UBE2L3: variants seen among roughly 807,000 people sequenced by gnomAD.
UBE2L3 encodes the protein ubiquitin-conjugating enzyme E2 L3.
UBE2L3 carries 1 observed loss-of-function variant against 17.8 expected under a neutral mutation model. The ratio of observed to expected loss-of-function variants is 0.06; its 90% CI spans 0.02 to 0.27. The LOEUF is 0.27. Among genes scored for constraint, UBE2L3 ranks in the 10% least tolerant of loss-of-function variants. The pLI is 1.00. For missense variants in UBE2L3, 40 were observed against 192.6 expected, an observed-to-expected ratio of 0.21 and a Z score of 4.69; for synonymous variants, 44 against 68.5, an observed-to-expected ratio of 0.64 and a Z score of 1.76.
intron 3 of UBE2L3, among the ~76,000 whole-genome samples, chr22:21,620,792 G>C (rs773783765): frequency 6.6e-6 from 1 of 152,082 alleles, no homozygotes; most frequent in African/African-American, 2.4e-5. Context: ...GGGTCATTGC[G>C]CATTGACAAG....
chr22:21,614,615 T>A (rs756624749), intron 3 of UBE2L3: 1 of 1,367,418 alleles, frequency 7.3e-7, no homozygotes, highest in Non-Finnish European at 9.8e-7. Flanking sequence ...TTCTTTGACC[T>A]CCTCAATTCA....
At chr22:21,560,012 G>T (rs1049409609) in intron 1 of UBE2L3, among the ~76,000 whole-genome samples, 3 of 152,276 alleles carry the variant, frequency 2.0e-5, no homozygotes, top group Admixed American at 2.0e-4. Flanking sequence ...CTCTCTGGCT[G>T]GGGCCCCCTG....
chr22:21,562,198 C>CTT (rs1050849043), intron 1 of UBE2L3, among the ~76,000 whole-genome samples: 2 of 133,352 alleles, frequency 1.5e-5, no homozygotes, highest in African/African-American at 2.9e-5. Context: ...TTTTTTTTTT[C>CTT]TTTTTTTTTT....
upstream of UBE2L3, chr22:21,567,594 C>T (rs1182210209): frequency 2.7e-6 from 4 of 1,468,124 alleles, no homozygotes; most frequent in African/African-American, 1.4e-5. Flanking sequence ...CCTCCACGCG[C>T]CCCCCAGCAC....
At chr22:21,602,291 G>C (rs1367268751) in intron 2 of UBE2L3, among the ~76,000 whole-genome samples, 1 of 152,212 alleles carries the variant, frequency 6.6e-6, no homozygotes, top group Non-Finnish European at 1.5e-5. Context: ...CTAGGATCCA[G>C]CTCTTCAGGT....
At chr22:21,583,654 C>G (rs1927765074) in intron 1 of UBE2L3, among the ~76,000 whole-genome samples, 1 of 152,126 alleles carries the variant, frequency 6.6e-6, no homozygotes, top group Non-Finnish European at 1.5e-5. Flanking sequence ...TTCTGACAGC[C>G]CTGGCCACTG....
At chr22:21,556,122 T>G (rs973909216) in intron 1 of UBE2L3, among the ~76,000 whole-genome samples, 2 of 152,228 alleles carry the variant, frequency 1.3e-5, no homozygotes, top group African/African-American at 2.4e-5. Flanking sequence ...TCCTAGAGAC[T>G]TGGGAGGCTG....
intron 1 of UBE2L3, among the ~76,000 whole-genome samples, chr22:21,557,777 T>C (rs1206682695): frequency 1.3e-5 from 2 of 152,254 alleles, no homozygotes; most frequent in African/African-American, 4.8e-5. Flanking sequence ...CTCTTTGGCC[T>C]TCCAAAGTGC....
At chr22:21,612,680 G>A in intron 3 of UBE2L3, among the ~76,000 whole-genome samples, 1 of 71,986 alleles carries the variant, frequency 1.4e-5, no homozygotes, top group South Asian at 6.2e-4. Context: ...TTGAGACGGA[G>A]TCACCCAGGC....
chr22:21,618,883 A>G lies in UBE2L3; in HGVS notation c.311-2632A>G, dbSNP rs561619473. Among the ~76,000 whole-genome samples, 35 of 152,146 alleles carry G rather than the reference A, an allele frequency of 2.3e-4. No homozygotes were observed. The South Asian group carries it at 7.3e-3, about 32-fold the overall frequency. On this transcript the variant is annotated intron_variant, in intron 3 of 3. Transcript: ENST00000342192. The stretch of plus-strand genomic sequence containing the variant: ...CTGGGAATACAGGTGTGAGCCACCA[A>G]CCTCTGCATTAGTTACCAAGGTGAT...
Position 21,567,795 on chromosome 22 carries a change from G to C in UBE2L3, c.27+24G>C, listed in dbSNP as rs546004349. On this transcript the variant is annotated intron_variant, in intron 1 of 3. Transcript: ENST00000342192. ...AGGTAAAAGCCATTCTCTGGCAGCG[G>C]CCGGGCGTGGGGCGGCGTCCTAGGC... is the stretch of plus-strand genomic sequence containing the variant. The C allele has an allele frequency of 4.4e-6, 7 of 1,574,014 alleles. No homozygotes were observed. The African/African-American group carries it at 6.7e-5, about 15-fold the overall frequency.
At chr22:21,583,871 A>C (rs1016429348) in intron 1 of UBE2L3, among the ~76,000 whole-genome samples, 2 of 151,996 alleles carry the variant, frequency 1.3e-5, no homozygotes, top group Admixed American at 6.6e-5. Context: ...GAACTTTTTA[A>C]ATTTTAATTT....
At chr22:21,583,943 T>G (rs1927784862) in intron 1 of UBE2L3, among the ~76,000 whole-genome samples, 1 of 152,178 alleles carries the variant, frequency 6.6e-6, no homozygotes, top group African/African-American at 2.4e-5. Flanking sequence ...GGAGCGATCT[T>G]GGCTCACTGC....
chr22:21,590,540 CATAAAGT>C (rs924171871), intron 1 of UBE2L3, among the ~76,000 whole-genome samples: 5 of 152,248 alleles, frequency 3.3e-5, no homozygotes, highest in African/African-American at 1.2e-4. Context: ...TTTCTGAAAC[CATAAAGT>C]ATATTTACAG....
intron 1 of UBE2L3, among the ~76,000 whole-genome samples, chr22:21,579,453 T>G (rs931305779): frequency 1.3e-5 from 2 of 152,138 alleles, no homozygotes; most frequent in African/African-American, 4.8e-5. Flanking sequence ...GTTTAGATTT[T>G]CAGTATATTG....
chr22:21,559,850 C>T (rs970283182), intron 1 of UBE2L3, among the ~76,000 whole-genome samples: 6 of 152,286 alleles, frequency 3.9e-5, no homozygotes, highest in South Asian at 2.1e-4. Context: ...GACCCTAACC[C>T]GCTGAGTTCC....
chr22:21,587,006 C>T (rs1254054322), intron 1 of UBE2L3, among the ~76,000 whole-genome samples: 1 of 151,656 alleles, frequency 6.6e-6, no homozygotes, highest in East Asian at 1.9e-4. Flanking sequence ...ATGCCTCAGC[C>T]TCCCGAGTAG....
At chr22:21,571,213 A>G (rs779974537) in intron 1 of UBE2L3, among the ~76,000 whole-genome samples, 19 of 152,246 alleles carry the variant, frequency 1.2e-4, no homozygotes, top group Non-Finnish European at 2.5e-4. Flanking sequence ...GGATGGGGAA[A>G]TTGCTGCAAA....
At chr22:21,614,775 C>G in intron 3 of UBE2L3, 1 of 352,652 alleles carries the variant, frequency 2.8e-6, no homozygotes, top group Non-Finnish European at 4.0e-6. Flanking sequence ...CCAATAAAAA[C>G]TTGTACACAG....
Sources: allele counts gnomAD v4.1 joint callset (sites outside exome capture counted in the v4.1 genomes callset), GRCh38; gene constraint gnomAD v4.1.1; transcripts MANE v1.5; gene names NCBI Gene and HGNC (gene_info 2026-07-23, HGNC 2026-07-21).